The following SYT17 variants were observed in gnomAD, a reference collection of about 807,000 sequenced individuals.
SYT17 encodes the protein synaptotagmin-17.
A neutral mutation model predicts 46.7 loss-of-function variants in SYT17; 22 were observed. That is an observed-to-expected ratio of 0.47 (90% confidence interval 0.34 to 0.67). SYT17 has a LOEUF of 0.67. SYT17 is among the 30% of genes least tolerant of loss of function. The pLI is 0.01. For missense variants in SYT17, 519 were observed against 612.8 expected (o/e 0.85, Z 1.62); for synonymous variants, 251 against 248.4 (o/e 1.01, Z -0.10).
At chr16:19,186,010 A>C (rs1964774935) in intron 5 of SYT17, among the ~76,000 whole-genome samples, 1 of 152,004 alleles carries the variant, frequency 6.6e-6, no homozygotes, top group Admixed American at 6.5e-5. Flanking sequence ...CAGCTGAGTT[A>C]ATCTCGGGGC....
chr16:19,242,534 AT>A (rs1057233132), intron 7 of SYT17, among the ~76,000 whole-genome samples: 1 of 151,236 alleles, frequency 6.6e-6, no homozygotes, highest in African/African-American at 2.4e-5. Flanking sequence ...AATTAAAAAA[AT>A]TTTTTTTGAG....
At position 19,258,750 on chromosome 16, in the gene SYT17, G is replaced by A. The variant is rs570614160; in HGVS notation, c.1229-8130G>A. 2.6e-5 allele frequency among the ~76,000 whole-genome samples: 4 copies of A among 152,296 alleles called. No individual in the cohort carries two copies. The South Asian group carries it at 8.3e-4, about 32-fold the overall frequency. ...CAAGCATTTTAGAGTGCCTAGGACA[G>A]CACCGCAAAACACAGAATGATCTGG... On this transcript the variant is annotated intron_variant, in intron 7 of 7. Transcript: ENST00000355377.
rs143700273 is a variant in SYT17 at position 19,191,429 on chromosome 16, A to C, written c.951+7282A>C. On this transcript the variant is annotated intron_variant, in intron 5 of 7. Transcript: ENST00000355377. ...TTCCTCCATGTGGGGCAAAACCAAA[A>C]GGTCCCATCTATGAGGAATGGTCCT... is the stretch of plus-strand genomic sequence containing the variant. 9.0e-4 allele frequency among the ~76,000 whole-genome samples: 137 copies of C among 152,300 alleles called. 1 individual carries two copies. Among genetic ancestry groups the C allele is most frequent in the African/African-American group, 2.8e-3 (117 of 41,566 alleles).
intron 7 of SYT17, among the ~76,000 whole-genome samples, chr16:19,233,028 AT>A (rs1354713118): frequency 6.6e-6 from 1 of 152,108 alleles, no homozygotes; most frequent in Non-Finnish European, 1.5e-5. Context: ...TTTGGAAGGC[AT>A]CTGTATTCTT....
chr16:19,222,235 A>G (rs1398884377), intron 5 of SYT17, among the ~76,000 whole-genome samples: 2 of 152,178 alleles, frequency 1.3e-5, no homozygotes, highest in African/African-American at 4.8e-5. Context: ...TTTGTGACGG[A>G]TAGATGGAGA....
intron 5 of SYT17, among the ~76,000 whole-genome samples, chr16:19,195,805 G>A (rs1329292846): frequency 6.6e-6 from 1 of 152,054 alleles, no homozygotes; most frequent in Non-Finnish European, 1.5e-5. Flanking sequence ...GAAAAAGAGT[G>A]AGATCCCCAT....
rs1030050145 is a variant in SYT17 at position 19,222,759 on chromosome 16, C to T, written c.952-286C>T. On this transcript the variant is annotated intron_variant, in intron 5 of 7. Coordinates refer to ENST00000355377, the MANE Select transcript of SYT17 (RefSeq NM_016524.4). The stretch of plus-strand genomic sequence containing the variant: ...GACTCATTAGTCATTACATGTAAAG[C>T]GCTTAGCGTAGTACATGGCAGTGAA... Among the ~76,000 whole-genome samples the T allele has an allele frequency of 5.9e-5, 9 of 152,134 alleles. No individual in the cohort carries two copies. The South Asian group carries it at 6.2e-4, about 11-fold the overall frequency.
At chr16:19,262,652 A>G (rs543892460) in intron 7 of SYT17, among the ~76,000 whole-genome samples, 1 of 152,318 alleles carries the variant, frequency 6.6e-6, no homozygotes, top group Non-Finnish European at 1.5e-5. Context: ...TTGCCACCCA[A>G]GAAGACTCAC....
intron 7 of SYT17, among the ~76,000 whole-genome samples, chr16:19,256,762 T>C (rs533501950): frequency 3.3e-5 from 5 of 152,110 alleles, no homozygotes; most frequent in African/African-American, 9.6e-5. Context: ...AATTTTTTTA[T>C]AGAGACAGTC....
chr16:19,258,303 G>C (rs1037170550), intron 7 of SYT17, among the ~76,000 whole-genome samples: 1 of 152,076 alleles, frequency 6.6e-6, no homozygotes, highest in African/African-American at 2.4e-5. Context: ...TGTGTCCCCA[G>C]GGTACATCTG....
At chr16:19,259,775 G>T (rs1289051657) in intron 7 of SYT17, among the ~76,000 whole-genome samples, 3 of 151,014 alleles carry the variant, frequency 2.0e-5, no homozygotes, top group African/African-American at 7.3e-5. Context: ...TGTACATTTT[G>T]TAAACCAAAA....
intron 7 of SYT17, among the ~76,000 whole-genome samples, chr16:19,242,119 G>T (rs1052178568): frequency 5.9e-5 from 9 of 152,196 alleles, no homozygotes; most frequent in African/African-American, 2.2e-4. Flanking sequence ...CAAGTGTTTA[G>T]CCCCTGCTTT....
At chr16:19,178,233 C>G (rs1010847253) in intron 3 of SYT17, among the ~76,000 whole-genome samples, 1 of 147,870 alleles carries the variant, frequency 6.8e-6, no homozygotes, top group African/African-American at 2.5e-5. Context: ...CAGGCGTCCG[C>G]CACCACGCCC....
rs1232183333 is a variant in SYT17 at position 19,183,161 on chromosome 16, C to T, written c.332-367C>T. Among the ~76,000 whole-genome samples, 3 of 152,244 alleles carry T rather than the reference C, an allele frequency of 2.0e-5. No individual in the cohort carries two copies. The highest frequency in any genetic ancestry group is 4.4e-5 in the Non-Finnish European group (3 of 68,040). The stretch of plus-strand genomic sequence containing the variant: ...AGACCAGCCTGACCCCTGGCTCCTA[C>T]ACTTGCAAGTGTGTGACCTTCAGAA... On this transcript the variant is annotated intron_variant, in intron 4 of 7. Transcript: ENST00000355377. The surrounding 1 kb of genome is among the most constrained non-coding windows in gnomAD (Gnocchi z 5.6).
intron 1 of SYT17, chr16:19,169,718 G>C (rs1267921897): frequency 6.6e-6 from 1 of 152,232 alleles, no homozygotes; most frequent in Non-Finnish European, 1.5e-5. Context: ...GGAATCGCCA[G>C]TTTCTCTTCA....
chr16:19,201,448 TAC>T (rs1965458933), intron 5 of SYT17, among the ~76,000 whole-genome samples: 2 of 152,040 alleles, frequency 1.3e-5, no homozygotes, highest in Admixed American at 6.5e-5. Flanking sequence ...CTGACTCCTG[TAC>T]AAATGCCCAG....
chr16:19,223,050 A>C lies in SYT17; in HGVS notation c.957A>C (p.Glu319Asp). The change falls in exon 6 of 8, where the codon GAA (glutamate) becomes GAC (aspartate). Residue 319 changes from glutamate (E) to aspartate (D), a missense_variant. Physicochemically the swap from Glu to Asp is conservative, Grantham distance 45 (BLOSUM62 2). Coordinates refer to ENST00000355377, the MANE Select transcript of SYT17 (RefSeq NM_016524.4). ...ATCATTTCCTTTCTCTACAGAATGA[A>C]GTGGAGCTGGGGGAGCTGCTTCTGT... Reference protein sequence around the residue: ...WKALIPSSQNEVELGELLLSL... With the variant: ...WKALIPSSQNDVELGELLLSL... 2 of 1,614,026 alleles carry C rather than the reference A, an allele frequency of 1.2e-6. No individual in the cohort carries two copies. The highest frequency in any genetic ancestry group is 2.7e-5 in the African/African-American group (2 of 75,022).
intron 7 of SYT17, among the ~76,000 whole-genome samples, chr16:19,257,452 AAAAG>A (rs1968656100): frequency 6.6e-6 from 1 of 152,134 alleles, no homozygotes; most frequent in Non-Finnish European, 1.5e-5. Flanking sequence ...AAGAAGAAAA[AAAAG>A]AGAGTGCTCC....
intron 7 of SYT17, chr16:19,249,870 T>C (rs1967908221): frequency 2.0e-6 from 3 of 1,484,452 alleles, no homozygotes; most frequent in Non-Finnish European, 2.7e-6. Context: ...CTCCATACTT[T>C]CATCCAGGTC....
Sources: allele counts gnomAD v4.1 joint callset (sites outside exome capture counted in the v4.1 genomes callset), GRCh38; gene constraint gnomAD v4.1.1; non-coding constraint Gnocchi (gnomAD v3.1); transcripts MANE v1.5; gene names NCBI Gene and HGNC (gene_info 2026-07-23, HGNC 2026-07-21).